DPH6: variants seen among roughly 807,000 people sequenced by gnomAD.
The protein encoded by DPH6 is diphthamine biosynthesis 6, also known as diphthine--ammonia ligase.
DPH6 carries 33 observed loss-of-function variants against 38.2 expected under a neutral mutation model. The observed-to-expected ratio is 0.86, with a 90% CI of 0.65 to 1.15. The LOEUF is 1.15. Among genes scored for constraint, DPH6 ranks in the 50% most tolerant of loss-of-function variants. The pLI is 0.00. For synonymous variants in DPH6, 108 were observed against 103.0 expected, an observed-to-expected ratio of 1.05 and a Z score of -0.30; for missense variants, 325 against 320.0, an observed-to-expected ratio of 1.02 and a Z score of -0.12.
chr15:35,229,276 C>A (rs542114179), intron 3 of DPH6, among the ~76,000 whole-genome samples: 1 of 151,984 alleles, frequency 6.6e-6, no homozygotes, highest in African/African-American at 2.4e-5. Flanking sequence ...AATAGACTGT[C>A]TTCAAGTTCA....
chr15:35,529,919 C>A (rs1159712572), intron 3 of DPH6, among the ~76,000 whole-genome samples: 1 of 151,004 alleles, frequency 6.6e-6, no homozygotes, highest in African/African-American at 2.4e-5. Context: ...TAAAAAAAAA[C>A]ACTAAGTATT....
At chr15:35,299,278 A>C in intron 3 of DPH6, 1 of 1,053,020 alleles carries the variant, frequency 9.5e-7, no homozygotes, top group East Asian at 2.4e-5. Flanking sequence ...ACCTCGTTGT[A>C]GGTCAATGAC....
chr15:35,506,463 C>T (rs992779535), intron 3 of DPH6, among the ~76,000 whole-genome samples: 1 of 152,072 alleles, frequency 6.6e-6, no homozygotes, highest in African/African-American at 2.4e-5. Context: ...GTCTGAGTGC[C>T]AGCATTTAAG....
chr15:35,223,266 C>G (rs1216441199), intron 3 of DPH6, among the ~76,000 whole-genome samples: 1 of 152,106 alleles, frequency 6.6e-6, no homozygotes, highest in Non-Finnish European at 1.5e-5. Context: ...AGAAAACGAG[C>G]AAGAAAGGCA....
chr15:35,488,757 A>G (rs2054437766), intron 3 of DPH6, among the ~76,000 whole-genome samples: 1 of 152,196 alleles, frequency 6.6e-6, no homozygotes, highest in African/African-American at 2.4e-5. Context: ...TGAGGCTATA[A>G]AAGAGACGAA....
intron 6 of DPH6, among the ~76,000 whole-genome samples, chr15:35,387,386 C>T (rs957085075): frequency 5.3e-5 from 8 of 152,234 alleles, no homozygotes; most frequent in South Asian, 2.1e-4. Context: ...AAGAAAGTCA[C>T]TGGTAGCTTG....
intron 3 of DPH6, among the ~76,000 whole-genome samples, chr15:35,233,971 C>A (rs756506588): frequency 6.6e-6 from 1 of 152,132 alleles, no homozygotes; most frequent in Non-Finnish European, 1.5e-5. Context: ...ATTTATCACT[C>A]TCAAAAGATA....
chr15:35,238,333 C>G (rs2589530), intron 3 of DPH6: 285,229 of 299,846 alleles, frequency 0.95, 136,043 homozygotes, highest in East Asian at 1. Flanking sequence ...ATGGCAAGAA[C>G]TATTTCCTGC....
At chr15:35,386,063 T>C (rs1017606243) in intron 6 of DPH6, among the ~76,000 whole-genome samples, 4 of 152,124 alleles carry the variant, frequency 2.6e-5, no homozygotes, top group African/African-American at 9.7e-5. Context: ...GTTCTCTTTG[T>C]TCAATTCCCA....
chr15:35,238,720 A>C (rs1230498560), intron 3 of DPH6, among the ~76,000 whole-genome samples: 1 of 152,178 alleles, frequency 6.6e-6, no homozygotes, highest in Non-Finnish European at 1.5e-5. Flanking sequence ...AGAATCACAA[A>C]AGAAGTGAAA....
Position 35,546,137 on chromosome 15 carries a change from C to A in DPH6, c.5G>T (p.Arg2Met). ...GCATTACCTGATCAGAGCCGCGACC[C>A]TCATGCTGGGCGCAGTGCGCGTGCG... is the stretch of plus-strand genomic sequence containing the variant. M[R>M]VAALISGGKD... The change falls in exon 1 of 9, where the codon AGG (arginine) becomes ATG (methionine). Residue 2 changes from arginine to methionine, a missense_variant. Transcript: ENST00000256538. 3 of 1,402,016 alleles carry A rather than the reference C, an allele frequency of 2.1e-6. No homozygotes were observed. The South Asian group carries it at 4.9e-5, about 23-fold the overall frequency. 86.8% of individuals were successfully genotyped at this position (1,402,016 alleles called of 1,614,324 possible).
chr15:35,503,376 A>G (rs1325610158), intron 3 of DPH6, among the ~76,000 whole-genome samples: 33 of 152,152 alleles, frequency 2.2e-4, no homozygotes, highest in Non-Finnish European at 1.2e-4. Context: ...CAGTTTGACA[A>G]CCCTCAGTCC....
intron 3 of DPH6, among the ~76,000 whole-genome samples, chr15:35,496,378 A>G (rs73382742): frequency 0.091 from 13,730 of 150,606 alleles, 851 homozygotes; most frequent in African/African-American, 0.18. Context: ...AACATGGTGG[A>G]ACCTGTTTCT....
At chr15:35,399,774 A>G (rs1162257591) in intron 6 of DPH6, among the ~76,000 whole-genome samples, 1 of 152,206 alleles carries the variant, frequency 6.6e-6, no homozygotes, top group Non-Finnish European at 1.5e-5. Flanking sequence ...CCCAAAACAG[A>G]ATTCTATGAC....
intron 3 of DPH6, among the ~76,000 whole-genome samples, chr15:35,290,135 C>T (rs1037360560): frequency 2.0e-5 from 3 of 152,202 alleles, no homozygotes; most frequent in African/African-American, 7.2e-5. Context: ...TTGAAGCCAG[C>T]ATTTACATCT....
chr15:35,395,837 G>T (rs2053124393), intron 6 of DPH6, among the ~76,000 whole-genome samples: 1 of 152,134 alleles, frequency 6.6e-6, no homozygotes, highest in South Asian at 2.1e-4. Flanking sequence ...AGTTCTTATA[G>T]CAGTTAGCAT....
chr15:35,397,483 TG>T (rs1162529125), intron 6 of DPH6, among the ~76,000 whole-genome samples: 1 of 152,160 alleles, frequency 6.6e-6, no homozygotes, highest in Non-Finnish European at 1.5e-5. Context: ...TTTCATAAAA[TG>T]GCATAAACCC....
intron 3 of DPH6, among the ~76,000 whole-genome samples, chr15:35,470,603 G>C (rs1243448610): frequency 3.3e-5 from 5 of 152,186 alleles, no homozygotes; most frequent in African/African-American, 4.8e-5. Flanking sequence ...GTCAAAAGTA[G>C]CGTGACTTAC....
At chr15:35,397,376 T>C (rs1303237805) in intron 6 of DPH6, among the ~76,000 whole-genome samples, 3 of 152,204 alleles carry the variant, frequency 2.0e-5, no homozygotes, top group Admixed American at 6.5e-5. Flanking sequence ...ACTTAGATGA[T>C]CATAAGAAAT....
Sources: allele counts gnomAD v4.1 joint callset (sites outside exome capture counted in the v4.1 genomes callset), GRCh38; gene constraint gnomAD v4.1.1; transcripts MANE v1.5; gene names NCBI Gene and HGNC (gene_info 2026-07-23, HGNC 2026-07-21).